NXN: variants seen among roughly 807,000 people sequenced by gnomAD.
The protein encoded by NXN is nucleoredoxin.
In NXN, 16 loss-of-function variants were observed where a neutral mutation model predicts 48.6. The ratio of observed to expected loss-of-function variants is 0.33; its 90% CI spans 0.22 to 0.50. NXN has a LOEUF of 0.50. Ranked by LOEUF, NXN falls within the 20% of genes least tolerant of loss-of-function variation. The pLI, the probability that NXN is intolerant of heterozygous loss-of-function variation, is 0.98. For missense variants in NXN, 492 were observed against 605.5 expected, an observed-to-expected ratio of 0.81 and a Z score of 1.97; for synonymous variants, 281 against 269.6, an observed-to-expected ratio of 1.04 and a Z score of -0.41.
chr17:813,490 G>A (rs377128927), intron 5 of NXN, among the ~76,000 whole-genome samples: 6 of 152,358 alleles, frequency 3.9e-5, no homozygotes, highest in East Asian at 1.9e-4. Flanking sequence ...CGCTGAGAAG[G>A]CGCTTCCAAA....
At chr17:809,425 C>T (rs1325743702) in intron 5 of NXN, among the ~76,000 whole-genome samples, 1 of 152,188 alleles carries the variant, frequency 6.6e-6, no homozygotes, top group Non-Finnish European at 1.5e-5. Flanking sequence ...GACTGTCCCA[C>T]GGTTTAGTCT....
intron 6 of NXN, among the ~76,000 whole-genome samples, chr17:804,795 A>T (rs900041476): frequency 6.6e-6 from 1 of 152,178 alleles, no homozygotes; most frequent in Non-Finnish European, 1.5e-5. Context: ...GGGTCTGCGC[A>T]TGGGGGCCCC....
chr17:839,387 G>A (rs944421485), intron 1 of NXN, among the ~76,000 whole-genome samples: 2 of 151,776 alleles, frequency 1.3e-5, no homozygotes, highest in Non-Finnish European at 2.9e-5. Flanking sequence ...GTGAGCCGAG[G>A]TCACACCACT....
chr17:825,722 A>C lies in NXN; in HGVS notation c.478+239T>G. 2.3e-6 allele frequency: 1 copy of C among 442,352 alleles called. No individual in the cohort carries two copies. Among genetic ancestry groups the C allele is most frequent in the Non-Finnish European group, 4.0e-6 (1 of 249,606 alleles). The allele number at this position is 442,352 out of a possible 1,614,324, so 27.4% of individuals were successfully genotyped here. On this transcript the variant is annotated intron_variant, in intron 2 of 7. Coordinates refer to ENST00000336868, the MANE Select transcript of NXN (RefSeq NM_022463.5). This position sits in a 1 kb window ranked among gnomAD's most constrained non-coding sequence, Gnocchi z 4.1. ...AGCGGAGCTTCTTACGGCAGAGTCC[A>C]TCTCTTTTGGCCCATGAATTAAAGC... is the stretch of plus-strand genomic sequence containing the variant.
At chr17:922,072 C>A (rs897284000) in intron 1 of NXN, among the ~76,000 whole-genome samples, 2 of 152,212 alleles carry the variant, frequency 1.3e-5, no homozygotes, top group African/African-American at 4.8e-5. Context: ...TTCTAAGAAA[C>A]CCTTTTCAGC....
chr17:806,068 G>A (rs566307072), intron 5 of NXN, among the ~76,000 whole-genome samples: 2 of 150,978 alleles, frequency 1.3e-5, no homozygotes, highest in East Asian at 4.0e-4. Context: ...GGGAACCTGA[G>A]GCTGGCCGCA....
At chr17:959,164 T>G (rs1597277790) in intron 1 of NXN, 2 of 773,078 alleles carry the variant, frequency 2.6e-6, no homozygotes, top group Non-Finnish European at 3.7e-6. Flanking sequence ...TACGGAAGGC[T>G]GGAGAGGTGG....
chr17:941,271 A>G (rs1316842407), intron 1 of NXN, among the ~76,000 whole-genome samples: 3 of 144,444 alleles, frequency 2.1e-5, no homozygotes, highest in Non-Finnish European at 4.5e-5. Context: ...GGGTGCAGCC[A>G]TGAATTCACC....
chr17:965,686 T>C (rs1445941104), intron 1 of NXN, among the ~76,000 whole-genome samples: 1 of 152,074 alleles, frequency 6.6e-6, no homozygotes, highest in East Asian at 1.9e-4. Context: ...CTAATCAACA[T>C]TTTTATCAAC....
chr17:972,079 C>T (rs543970111), intron 1 of NXN, among the ~76,000 whole-genome samples: 4 of 152,232 alleles, frequency 2.6e-5, no homozygotes, highest in East Asian at 1.9e-4. Flanking sequence ...GGCAGGCGGA[C>T]CACCTAAGGT....
intron 1 of NXN, among the ~76,000 whole-genome samples, chr17:906,922 T>G (rs1313756332): frequency 1.3e-5 from 2 of 152,064 alleles, no homozygotes; most frequent in Non-Finnish European, 2.9e-5. Flanking sequence ...GCTATTCCAG[T>G]TACTTTAAGA....
In NXN at chr17:956,710, T is replaced by C. The variant is rs1429636013; in HGVS notation, c.360+22609A>G. Among the ~76,000 whole-genome samples, 3 of 152,186 alleles carry C rather than the reference T, an allele frequency of 2.0e-5. No homozygotes were observed. The highest frequency in any genetic ancestry group is 2.1e-4 in the South Asian group (1 of 4,822). On this transcript the variant is annotated intron_variant, in intron 1 of 7. Coordinates refer to ENST00000336868, the MANE Select transcript of NXN (RefSeq NM_022463.5). This position sits in a 1 kb window ranked among gnomAD's most constrained non-coding sequence, Gnocchi z 4.1. ...GATTACAGGCGTGAGCCACCGCGCC[T>C]GGCCAAGAGCTTTTTATATCAGTCA...
rs12941533 is a variant in NXN, at chr17:901,006, C to T, written c.361-74928G>A. Among the ~76,000 whole-genome samples the T allele has an allele frequency of 1.2e-4, 18 of 150,514 alleles. No homozygotes were observed. The Middle Eastern group carries it at 0.01, about 87-fold the overall frequency. ...CACGATCTTGGTTCATTGCAACCTC[C>T]ACCTCCCGGGTTCAAGTGATTCTCG... is the stretch of plus-strand genomic sequence containing the variant. On this transcript the variant is annotated intron_variant, in intron 1 of 7. Transcript: ENST00000336868.
rs557087067 is a variant in NXN at position 839,994 on chromosome 17, G to A, written c.361-13916C>T. Among the ~76,000 whole-genome samples the A allele has an allele frequency of 2.6e-5, 4 of 151,624 alleles. No individual in the cohort carries two copies. The East Asian group carries it at 7.8e-4, about 30-fold the overall frequency. On this transcript the variant is annotated intron_variant, in intron 1 of 7. Transcript: ENST00000336868. ...TGCCTGTAATCCCAGCTACTTGGGA[G>A]GCTAAGGCAGGAGAATTGCTTTAAC... is the stretch of plus-strand genomic sequence containing the variant.
chr17:899,021 G>C (rs62068459), intron 1 of NXN, among the ~76,000 whole-genome samples: 2 of 115,544 alleles, frequency 1.7e-5, no homozygotes, highest in Admixed American at 8.7e-5. Flanking sequence ...GCAGTGGCAC[G>C]ATCTTGGCTC....
At chr17:818,348 C>A (rs1038188395) in intron 5 of NXN, among the ~76,000 whole-genome samples, 1 of 151,998 alleles carries the variant, frequency 6.6e-6, no homozygotes, top group African/African-American at 2.4e-5. Context: ...ATTTTCTCAC[C>A]GAGAAGGTGA....
intron 1 of NXN, among the ~76,000 whole-genome samples, chr17:883,353 GC>G (rs1316012659): frequency 1.3e-5 from 2 of 151,270 alleles, no homozygotes; most frequent in Admixed American, 1.3e-4. Flanking sequence ...TCCCACCCCT[GC>G]CCCCCGCCCA....
chr17:840,220 A>C (rs1914068109), intron 1 of NXN, among the ~76,000 whole-genome samples: 1 of 152,096 alleles, frequency 6.6e-6, no homozygotes, highest in Admixed American at 6.5e-5. Flanking sequence ...ATTCTGGTGG[A>C]GGGAGAATGG....
chr17:819,188 C>A (rs1030858846), intron 5 of NXN: 8 of 482,428 alleles, frequency 1.7e-5, no homozygotes, highest in Admixed American at 3.3e-5. Flanking sequence ...CTCAGGTGAT[C>A]CACCTGCCTC....
Sources: gnomAD v4.1 joint callset for allele counts (sites outside exome capture counted in the v4.1 genomes callset) on GRCh38, gnomAD v4.1.1 for gene constraint, Gnocchi (gnomAD v3.1) non-coding constraint, MANE v1.5 for transcripts, NCBI Gene and HGNC (gene_info 2026-07-23, HGNC 2026-07-21) for gene names.